HS6ST3: variants seen among roughly 807,000 people sequenced by gnomAD.
HS6ST3 encodes the protein heparan sulfate 6-O-sulfotransferase 3, also known as heparan-sulfate 6-O-sulfotransferase 3.
In HS6ST3, 12 loss-of-function variants were observed where a neutral mutation model predicts 36.7. The ratio of observed to expected loss-of-function variants is 0.33; its 90% CI spans 0.21 to 0.53. The LOEUF (loss-of-function observed/expected upper bound fraction) is 0.53. HS6ST3 is among the 20% of genes least tolerant of loss of function. HS6ST3 has a pLI of 0.95. For synonymous variants in HS6ST3, 240 were observed against 257.5 expected, an observed-to-expected ratio of 0.93 and a Z score of 0.65; for missense variants, 584 against 640.9, an observed-to-expected ratio of 0.91 and a Z score of 0.96.
intron 1 of HS6ST3, among the ~76,000 whole-genome samples, chr13:96,512,395 G>A (rs1242135016): frequency 6.6e-6 from 1 of 152,272 alleles, no homozygotes; most frequent in East Asian, 1.9e-4. Context: ...TTTCAAATAA[G>A]TTTTAGGATG....
chr13:96,438,355 A>G (rs2055653180), intron 1 of HS6ST3, among the ~76,000 whole-genome samples: 1 of 152,224 alleles, frequency 6.6e-6, no homozygotes, highest in African/African-American at 2.4e-5. Context: ...GTGTTTCATC[A>G]TACTGCATAC....
intron 1 of HS6ST3, among the ~76,000 whole-genome samples, chr13:96,648,523 T>G (rs1262163370): frequency 1.3e-5 from 2 of 151,692 alleles, no homozygotes; most frequent in Non-Finnish European, 2.9e-5. Flanking sequence ...CCAGGATACA[T>G]GTACAGGATG....
intron 1 of HS6ST3, among the ~76,000 whole-genome samples, chr13:96,427,705 G>C (rs1434799452): frequency 1.3e-5 from 2 of 152,046 alleles, no homozygotes; most frequent in African/African-American, 4.8e-5. Context: ...ATCTACATTG[G>C]TACAATGCTA....
intron 1 of HS6ST3, among the ~76,000 whole-genome samples, chr13:96,380,918 G>A (rs886093883): frequency 1.3e-5 from 2 of 152,190 alleles, no homozygotes; most frequent in African/African-American, 2.4e-5. Flanking sequence ...GGATAAAAAT[G>A]CAATGTGCCA....
intron 1 of HS6ST3, among the ~76,000 whole-genome samples, chr13:96,117,540 G>C (rs2053899483): frequency 6.6e-6 from 1 of 152,146 alleles, no homozygotes; most frequent in Non-Finnish European, 1.5e-5. Flanking sequence ...ATTGAATGAT[G>C]ATATTCACTG....
chr13:96,658,042 T>C (rs1331402267), intron 1 of HS6ST3, among the ~76,000 whole-genome samples: 1 of 152,144 alleles, frequency 6.6e-6, no homozygotes, highest in Non-Finnish European at 1.5e-5. Context: ...CCCATGGGGA[T>C]GATTTTTGAT....
At chr13:96,691,443 T>C (rs529011015) in intron 1 of HS6ST3, among the ~76,000 whole-genome samples, 15 of 152,156 alleles carry the variant, frequency 9.9e-5, no homozygotes, top group Non-Finnish European at 2.2e-4. Flanking sequence ...GGACAATCAG[T>C]TGGAATTTAA....
intron 1 of HS6ST3, among the ~76,000 whole-genome samples, chr13:96,418,667 A>T (rs938672309): frequency 1.3e-5 from 2 of 152,220 alleles, no homozygotes; most frequent in Admixed American, 6.5e-5. Flanking sequence ...GTAACTGGCC[A>T]TGTCCCAGGT....
intron 1 of HS6ST3, among the ~76,000 whole-genome samples, chr13:96,134,527 CTA>C (rs1327490941): frequency 6.6e-6 from 1 of 151,908 alleles, no homozygotes; most frequent in African/African-American, 2.4e-5. Flanking sequence ...CTCTTGGTAA[CTA>C]TTGTATAGAC....
rs565658938 is a variant in HS6ST3, at chr13:96,711,683, G to A, written c.708-120807G>A. On this transcript the variant is annotated intron_variant, in intron 1 of 1. Transcript: ENST00000376705. ...AACCACCATCCAAAGCATCAATTAA[G>A]CATCTGCATATCCATAGGACTTTTT... Among the ~76,000 whole-genome samples, 3 of 152,146 alleles carry A rather than the reference G, an allele frequency of 2.0e-5. No individual in the cohort carries two copies. In the South Asian group the frequency reaches 6.2e-4, roughly 32 times the overall value.
At chr13:96,330,495 A>C (rs2139420227) in intron 1 of HS6ST3, among the ~76,000 whole-genome samples, 1 of 151,620 alleles carries the variant, frequency 6.6e-6, no homozygotes, top group Admixed American at 6.6e-5. Flanking sequence ...TTCTTTAAGA[A>C]TGTTGAATAT....
At chr13:96,267,310 G>A (rs2054697227) in intron 1 of HS6ST3, among the ~76,000 whole-genome samples, 1 of 151,822 alleles carries the variant, frequency 6.6e-6, no homozygotes, top group Non-Finnish European at 1.5e-5. Context: ...AACACAATTG[G>A]CATCTCTCAT....
chr13:96,194,810 C>G (rs538409096), intron 1 of HS6ST3, among the ~76,000 whole-genome samples: 66 of 152,024 alleles, frequency 4.3e-4, no homozygotes, highest in Middle Eastern at 6.8e-3. Flanking sequence ...CTGTTCTACT[C>G]TGTTCCTATT....
intron 1 of HS6ST3, among the ~76,000 whole-genome samples, chr13:96,681,857 T>C (rs1241245597): frequency 1.3e-5 from 2 of 152,152 alleles, no homozygotes; most frequent in African/African-American, 4.8e-5. Flanking sequence ...CTAGAAATCT[T>C]GTTTTGTCCT....
chr13:96,127,561 TG>T (rs2053957761), intron 1 of HS6ST3, among the ~76,000 whole-genome samples: 2 of 152,206 alleles, frequency 1.3e-5, no homozygotes. Flanking sequence ...TCTGTGGCCT[TG>T]GGGTTGGGAC....
intron 1 of HS6ST3, among the ~76,000 whole-genome samples, chr13:96,212,718 T>C (rs2139358119): frequency 6.6e-6 from 1 of 152,274 alleles, no homozygotes; most frequent in Non-Finnish European, 1.5e-5. Context: ...CTGATACTTT[T>C]TTGGGGGGTA....
At chr13:96,399,263 G>T (rs1384995873) in intron 1 of HS6ST3, among the ~76,000 whole-genome samples, 2 of 152,160 alleles carry the variant, frequency 1.3e-5, no homozygotes, top group South Asian at 2.1e-4. Flanking sequence ...TTTAAAAAGT[G>T]CTATTCATAG....
intron 1 of HS6ST3, among the ~76,000 whole-genome samples, chr13:96,515,576 G>C (rs1566383624): frequency 6.6e-6 from 1 of 152,096 alleles, no homozygotes; most frequent in East Asian, 1.9e-4. Context: ...GATATGGTTG[G>C]CTGTGGCCCG....
chr13:96,832,827 GCCTT>G lies in HS6ST3; in HGVS notation c.1047_1050del (p.Phe350LeufsTer50). ...TGCAAAGAACAACCTGAAGAACATG[GCCTT>G]CTTTGGGCTCACTGAGTTCCAGAGG... On this transcript the variant is annotated frameshift_variant, in exon 2 of 2. Transcript: ENST00000376705. LOFTEE classifies it high-confidence loss of function. The G allele has an allele frequency of 6.2e-7, 1 of 1,614,130 alleles. No homozygotes were observed. Among genetic ancestry groups the G allele is most frequent in the Non-Finnish European group, 8.5e-7 (1 of 1,180,012 alleles).
Sources: gnomAD v4.1 joint callset for allele counts (sites outside exome capture counted in the v4.1 genomes callset) on GRCh38, gnomAD v4.1.1 for gene constraint, MANE v1.5 for transcripts, NCBI Gene and HGNC (gene_info 2026-07-23, HGNC 2026-07-21) for gene names.